TTC28: variants seen among roughly 807,000 people sequenced by gnomAD.
The protein encoded by TTC28 is tetratricopeptide repeat protein 28.
TTC28 carries 61 observed loss-of-function variants against 198.0 expected under a neutral mutation model. The ratio of observed to expected loss-of-function variants is 0.31; its 90% CI spans 0.25 to 0.38. TTC28 has a LOEUF of 0.38. Among genes scored for constraint, TTC28 ranks in the 10% least tolerant of loss-of-function variants. TTC28 has a pLI of 1.00. For synonymous variants in TTC28, 1,171 were observed against 1,297.8 expected, an observed-to-expected ratio of 0.90 and a Z score of 2.10; for missense variants, 2,678 against 3,164.0, an observed-to-expected ratio of 0.85 and a Z score of 3.69.
chr22:28,442,279 G>A (rs961364888), intron 2 of TTC28, among the ~76,000 whole-genome samples: 3 of 152,028 alleles, frequency 2.0e-5, no homozygotes, highest in Non-Finnish European at 4.4e-5. Context: ...GCAGGCAATC[G>A]CACGGGCCCA....
intron 2 of TTC28, among the ~76,000 whole-genome samples, chr22:28,396,731 G>A (rs1263498608): frequency 2.6e-5 from 4 of 152,122 alleles, no homozygotes; most frequent in Non-Finnish European, 5.9e-5. Context: ...ATAAGGCTGT[G>A]GAAGAGTCTC....
At chr22:28,119,863 T>C (rs1033828386) in intron 6 of TTC28, among the ~76,000 whole-genome samples, 2 of 152,194 alleles carry the variant, frequency 1.3e-5, no homozygotes, top group African/African-American at 4.8e-5. Flanking sequence ...AGCTAATTAA[T>C]TGGGAAGTCT....
chr22:28,442,282 C>A (rs1156351082), intron 2 of TTC28, among the ~76,000 whole-genome samples: 1 of 152,224 alleles, frequency 6.6e-6, no homozygotes, highest in South Asian at 2.1e-4. Context: ...GGCAATCGCA[C>A]GGGCCCACGA....
At chr22:28,647,549 G>A (rs557593779) in intron 1 of TTC28, among the ~76,000 whole-genome samples, 9 of 152,134 alleles carry the variant, frequency 5.9e-5, no homozygotes, top group African/African-American at 9.6e-5. Context: ...ATCAAAAAGC[G>A]GGCAAATGGG....
chr22:28,562,942 G>C (rs1482331152), intron 2 of TTC28, among the ~76,000 whole-genome samples: 1 of 152,128 alleles, frequency 6.6e-6, no homozygotes, highest in East Asian at 1.9e-4. Context: ...GGGCAACATA[G>C]CAAAACCCTG....
intron 9 of TTC28, among the ~76,000 whole-genome samples, chr22:28,100,743 C>T (rs775623272): frequency 1.3e-5 from 2 of 152,230 alleles, no homozygotes; most frequent in Admixed American, 6.5e-5. Context: ...TCTTTCTACT[C>T]TCCAGGGCCA....
At chr22:28,462,347 TC>T (rs1196017372) in intron 2 of TTC28, among the ~76,000 whole-genome samples, 4 of 152,138 alleles carry the variant, frequency 2.6e-5, no homozygotes, top group African/African-American at 9.7e-5. Flanking sequence ...TTTCTCTCTG[TC>T]ATGAGGCTGG....
At chr22:28,377,768 T>C (rs1393871006) in intron 2 of TTC28, among the ~76,000 whole-genome samples, 1 of 152,150 alleles carries the variant, frequency 6.6e-6, no homozygotes, top group Admixed American at 6.5e-5. Context: ...ATTTCATATA[T>C]ATAAGAATAT....
intron 5 of TTC28, among the ~76,000 whole-genome samples, chr22:28,183,480 CCCT>C (rs2147109805): frequency 6.6e-6 from 1 of 152,262 alleles, no homozygotes; most frequent in African/African-American, 2.4e-5. Flanking sequence ...CCAGCTGGTA[CCCT>C]CCTCATTCTG....
chr22:28,232,759 C>T (rs1230610458), intron 5 of TTC28: 2 of 152,116 alleles, frequency 1.3e-5, no homozygotes, highest in Admixed American at 6.5e-5. Context: ...CTTTCTCTTA[C>T]TTAGGGTTCC....
intron 1 of TTC28, among the ~76,000 whole-genome samples, chr22:28,665,634 C>A: frequency 4.2e-4 from 1 of 2,398 alleles, no homozygotes; most frequent in Non-Finnish European, 9.0e-4. Context: ...ACAGGAGCAC[C>A]CAGATTCATA....
At chr22:28,611,678 TC>T (rs1409985599) in intron 2 of TTC28, among the ~76,000 whole-genome samples, 1 of 118,944 alleles carries the variant, frequency 8.4e-6, no homozygotes, top group Non-Finnish European at 1.8e-5. Context: ...CCCACCACAG[TC>T]CCCAGAGTGT....
chr22:28,588,482 A>G (rs1322849700), intron 2 of TTC28, among the ~76,000 whole-genome samples: 1 of 152,228 alleles, frequency 6.6e-6, no homozygotes, highest in Non-Finnish European at 1.5e-5. Flanking sequence ...CCTCAAATTT[A>G]AAGAAAGGCA....
At chr22:28,643,870 G>A (rs957287986) in intron 1 of TTC28, among the ~76,000 whole-genome samples, 9 of 152,108 alleles carry the variant, frequency 5.9e-5, no homozygotes, top group Admixed American at 2.6e-4. Context: ...CTTTACATAT[G>A]TTAGCTGATT....
intron 18 of TTC28, 110 bp from the exon 19 acceptor site, chr22:27,992,773 C>A (rs1487874362): frequency 1.9e-5 from 19 of 1,013,052 alleles, no homozygotes; most frequent in Non-Finnish European, 2.6e-5. Context: ...TGGCATTTTT[C>A]AGAAGCTCAG....
At chr22:28,099,445 AGAGT>A (rs1942076409) in intron 9 of TTC28, among the ~76,000 whole-genome samples, 2 of 152,332 alleles carry the variant, frequency 1.3e-5, no homozygotes, top group South Asian at 4.1e-4. Context: ...ACTAGCGCCC[AGAGT>A]GAGTAAAGCC....
chr22:28,589,011 T>C (rs1447032530), intron 2 of TTC28, among the ~76,000 whole-genome samples: 1 of 152,180 alleles, frequency 6.6e-6, no homozygotes, highest in East Asian at 1.9e-4. Context: ...ATACTTAATT[T>C]CTGTATATTG....
chr22:28,574,688 T>A (rs1756194916), intron 2 of TTC28, among the ~76,000 whole-genome samples: 1 of 152,192 alleles, frequency 6.6e-6, no homozygotes, highest in Non-Finnish European at 1.5e-5. Flanking sequence ...ACAGCATTTG[T>A]TATTGATTGT....
intron 2 of TTC28, among the ~76,000 whole-genome samples, chr22:28,535,998 C>T (rs920441284): frequency 1.3e-5 from 2 of 150,966 alleles, no homozygotes; most frequent in Non-Finnish European, 3.0e-5. Context: ...ATCACGAGGT[C>T]AGGAAATCAA....
Sources: allele counts gnomAD v4.1 joint callset (sites outside exome capture counted in the v4.1 genomes callset), GRCh38; gene constraint gnomAD v4.1.1; transcripts MANE v1.5; gene names NCBI Gene and HGNC (gene_info 2026-07-23, HGNC 2026-07-21).